Variants in NLRP12 observed in about 807,000 individuals in gnomAD.
NLRP12 encodes NACHT, LRR and PYD domains-containing protein 12.
Under a neutral mutation model 91.2 loss-of-function variants are expected in NLRP12, and 108 were observed. That is an observed-to-expected ratio of 1.18 (90% confidence interval 1.01 to 1.39). The LOEUF is 1.39. Ranked by LOEUF, NLRP12 falls within the 40% of genes most tolerant of loss-of-function variation. NLRP12 has a pLI of 0.00. For synonymous variants in NLRP12, 613 were observed against 566.7 expected (o/e 1.08, Z -1.16); for missense variants, 1,530 against 1,352.7 (o/e 1.13, Z -2.06).
At chr19:53,821,031 CTTTTTTT>C (rs1158419664) in intron 1 of NLRP12, among the ~76,000 whole-genome samples, 51 of 81,276 alleles carry the variant, frequency 6.3e-4, no homozygotes, top group African/African-American at 2.5e-3. Flanking sequence ...CATATTTTTT[CTTTTTTT>C]TTTTTTTTTT....
chr19:53,797,972 T>C (rs1401385739), intron 8 of NLRP12, among the ~76,000 whole-genome samples: 4 of 152,130 alleles, frequency 2.6e-5, no homozygotes, highest in Non-Finnish European at 2.9e-5. Context: ...TGACCTCAGG[T>C]GATCCACCCA....
At position 53,810,243 on chromosome 19, in the gene NLRP12, C is replaced by A. The variant is rs756550237; in HGVS notation, c.1416G>T (p.Gln472His). 3 of 1,614,060 alleles carry A rather than the reference C, an allele frequency of 1.9e-6. No homozygotes were observed. In the Admixed American group the frequency reaches 5.0e-5, roughly 27 times the overall value. The change falls in exon 3 of 10, where the codon CAG becomes CAT. Residue 472 changes from glutamine (Q) to histidine (H), a missense_variant. Gln to His is a conservative substitution (Grantham distance 24). Coordinates refer to ENST00000324134, the MANE Select transcript of NLRP12 (RefSeq NM_144687.4). ...GGTCCTGCTCCTCAAATAGGATTTTCTGATTCCAGAGCCCATCTGCCGCCA... is the reference window on the plus strand; with the variant it reads ...GGTCCTGCTCCTCAAATAGGATTTTATGATTCCAGAGCCCATCTGCCGCCA... ...CSLAADGLWNQKILFEEQDLR... is the reference protein window; with the variant it reads ...CSLAADGLWNHKILFEEQDLR...
At position 53,811,114 on chromosome 19, in the gene NLRP12, C is replaced by G. The variant is rs532161293; in HGVS notation, c.545G>C (p.Gly182Ala). ...CTGGTGTCCCACGGTCCTCGCGTGTCCCCGGCCTGTGTCCAGAAGCTGCTG... is the reference window on the plus strand; with the variant it reads ...CTGGTGTCCCACGGTCCTCGCGTGTGCCCGGCCTGTGTCCAGAAGCTGCTG... ...VQQQLLDTGRGHARTVGHQAS... is the reference protein window; with the variant it reads ...VQQQLLDTGRAHARTVGHQAS... Residue 182 changes from glycine to alanine, a missense_variant, in exon 3 of 10, where the codon GGA (glycine) becomes GCA (alanine). Transcript: ENST00000324134. 1.9e-6 allele frequency: 3 copies of G among 1,614,028 alleles called. No homozygotes were observed. In the South Asian group the frequency reaches 3.3e-5, roughly 18 times the overall value.
chr19:53,801,696 A>C (rs1419303745), intron 6 of NLRP12, among the ~76,000 whole-genome samples: 1 of 151,440 alleles, frequency 6.6e-6, no homozygotes, highest in Non-Finnish European at 1.5e-5. Flanking sequence ...CATGGGTGAT[A>C]TGCCTGCCTC....
intron 1 of NLRP12, among the ~76,000 whole-genome samples, chr19:53,823,487 A>G (rs1299095927): frequency 3.0e-4 from 27 of 90,754 alleles, no homozygotes; most frequent in African/African-American, 1.2e-3. Flanking sequence ...TATATATTTT[A>G]AAATATATTT....
At chr19:53,803,842 G>T in intron 6 of NLRP12, 110 bp downstream of exon 6, 2 of 1,106,400 alleles carry the variant, frequency 1.8e-6, no homozygotes, top group Non-Finnish European at 2.7e-6. Context: ...CCAAAGTGCC[G>T]GGATTACAGG....
chr19:53,824,338 G>C (rs1288804780), upstream of NLRP12: 5 of 680,850 alleles, frequency 7.3e-6, no homozygotes, highest in African/African-American at 7.1e-5. Context: ...AAGACCTTTT[G>C]CTGAAATAAT....
chr19:53,799,457 C>T lies in NLRP12; in HGVS notation c.2757-1044G>A, dbSNP rs115461766. On this transcript the variant is annotated intron_variant, in intron 7 of 9. Transcript: ENST00000324134. ...AGCTCCTATGCTTGTGGAATGCCAC[C>T]ACACACACATATACACAAATTACAA... 4.8e-3 allele frequency among the ~76,000 whole-genome samples: 725 copies of T among 151,998 alleles called. 6 individuals are homozygous for T. The highest frequency in any genetic ancestry group is 0.021 in the Middle Eastern group (6 of 290).
intron 1 of NLRP12, among the ~76,000 whole-genome samples, chr19:53,819,453 ATATATG>A (rs1247624318): frequency 7.9e-4 from 6 of 7,628 alleles, no homozygotes; most frequent in African/African-American, 2.1e-3. Flanking sequence ...ATATATATAT[ATATATG>A]TGTGTGTGTG....
Position 53,824,177 on chromosome 19 carries a change from G to T in NLRP12, c.-3C>A, listed in dbSNP as rs755089068. The T allele has an allele frequency of 3.7e-6, 6 of 1,613,832 alleles. No individual in the cohort carries two copies. The highest frequency in any genetic ancestry group is 5.1e-6 in the Non-Finnish European group (6 of 1,180,010). ...TCCCTGCCTGCGGTTCGTAGCATGG[G>T]GGTGCCGTGAGCCCCAAAGGAGAGG... is the stretch of plus-strand genomic sequence containing the variant. On this transcript the variant is annotated 5_prime_UTR_variant, in exon 1 of 10. Transcript: ENST00000324134.
chr19:53,822,630 C>T (rs1485662721), intron 1 of NLRP12, among the ~76,000 whole-genome samples: 5 of 150,078 alleles, frequency 3.3e-5, no homozygotes, highest in South Asian at 2.1e-4. Flanking sequence ...CTCAGCTACT[C>T]GGGATGCTGA....
At chr19:53,812,314 T>G (rs2092088867) in intron 2 of NLRP12, among the ~76,000 whole-genome samples, 1 of 151,092 alleles carries the variant, frequency 6.6e-6, no homozygotes, top group Admixed American at 6.6e-5. Context: ...GCAGCAATCT[T>G]GTTAGAAATG....
At chr19:53,816,552 C>T (rs973485627) in intron 1 of NLRP12, among the ~76,000 whole-genome samples, 8 of 151,968 alleles carry the variant, frequency 5.3e-5, no homozygotes, top group South Asian at 2.1e-4. Flanking sequence ...GAGACAGTCT[C>T]GCTCTGTCGC....
chr19:53,819,351 T>A (rs1219337593), intron 1 of NLRP12, among the ~76,000 whole-genome samples: 1 of 142,810 alleles, frequency 7.0e-6, no homozygotes, highest in Non-Finnish European at 1.5e-5. Context: ...TTCAAGTGAT[T>A]CTCCTGCCTC....
rs775913577 is a variant in NLRP12 at position 53,823,890 on chromosome 19, C to T, written c.285G>A (p.Val95=). ...LWERGQREDL[V]RDTPPGGPSS... is the part of the protein sequence containing the mutation. ...CCTGTCCCGCCACCTCCTTACCCCT[C>T]ACCAGGTCCTCTCTCTGTCCTCTCT... Residue 95 remains valine (V), a synonymous_variant, in exon 1 of 10, where the codon GTG becomes GTA. Coordinates refer to ENST00000324134, the MANE Select transcript of NLRP12 (RefSeq NM_144687.4). 7.4e-6 allele frequency: 12 copies of T among 1,613,818 alleles called. No individual in the cohort carries two copies. The highest frequency in any genetic ancestry group is 6.7e-5 in the Admixed American group (4 of 59,950).
Position 53,824,119 on chromosome 19 carries a change from T to G in NLRP12, c.56A>C (p.Glu19Ala). ...CTTCTTCAGTTCCACAGCCTCGAGTTCTTCCAAGTAGGTGGACAGGCGACA... is the reference window on the plus strand; with the variant it reads ...CTTCTTCAGTTCCACAGCCTCGAGTGCTTCCAAGTAGGTGGACAGGCGACA... ...GLCRLSTYLE[E>A]LEAVELKKFK... is the part of the protein sequence containing the mutation. Residue 19 changes from glutamate to alanine, a missense_variant, in exon 1 of 10, where the codon GAA becomes GCA. Physicochemically the swap from Glu to Ala is moderately radical, Grantham distance 107 (BLOSUM62 -1). Transcript: ENST00000324134. The G allele has an allele frequency of 6.2e-7, 1 of 1,614,026 alleles. No homozygotes were observed. Among genetic ancestry groups the G allele is most frequent in the Non-Finnish European group, 8.5e-7 (1 of 1,180,006 alleles).
At chr19:53,820,115 C>A (rs74787596) in intron 1 of NLRP12, among the ~76,000 whole-genome samples, 4 of 152,088 alleles carry the variant, frequency 2.6e-5, no homozygotes, top group Admixed American at 1.3e-4. Context: ...AAAGTTTGCT[C>A]GGTTCCTAGC....
At chr19:53,798,115 C>T (rs2091801790) in intron 8 of NLRP12, 128 bp downstream of exon 8, 3 of 1,068,418 alleles carry the variant, frequency 2.8e-6, no homozygotes, top group Middle Eastern at 4.1e-4. Flanking sequence ...TTCTTTCCAC[C>T]TCTCTTCTTG....
chr19:53,801,220 G>A lies in NLRP12; in HGVS notation c.2756+7C>T. ...ACTCCTAGCGTGGTGAGCAAAACGG[G>A]ACTCACCGCAGGGTCTGGAGCTTGC... On this transcript the variant is annotated splice_region_variant and intron_variant, in intron 7 of 9. Transcript: ENST00000324134. 1.9e-6 allele frequency: 3 copies of A among 1,613,586 alleles called. No homozygotes were observed. The highest frequency in any genetic ancestry group is 2.5e-6 in the Non-Finnish European group (3 of 1,179,680).
Sources: gnomAD v4.1 joint callset for allele counts (sites outside exome capture counted in the v4.1 genomes callset) on GRCh38, gnomAD v4.1.1 for gene constraint, MANE v1.5 for transcripts, NCBI Gene and HGNC (gene_info 2026-07-23, HGNC 2026-07-21) for gene names.